SLC25A13: variants seen among roughly 807,000 people sequenced by gnomAD.
SLC25A13 encodes the protein solute carrier family 25 member 13, also known as electrogenic aspartate/glutamate antiporter SLC25A13, mitochondrial.
SLC25A13 carries 70 observed loss-of-function variants against 85.5 expected under a neutral mutation model. That is an observed-to-expected ratio of 0.82 (90% CI 0.68 to 1.00). The LOEUF (loss-of-function observed/expected upper bound fraction) is 1.00, where lower values mean the gene tolerates loss of function less well. SLC25A13 is among the 50% of genes least tolerant of loss of function. The pLI, the probability that SLC25A13 is intolerant of heterozygous loss-of-function variation, is 0.00. For synonymous variants in SLC25A13, 259 were observed against 288.7 expected, an observed-to-expected ratio of 0.90 and a Z score of 1.04; for missense variants, 765 against 819.8, an observed-to-expected ratio of 0.93 and a Z score of 0.82.
chr7:96,136,778 C>T (rs1792305256), intron 14 of SLC25A13, among the ~76,000 whole-genome samples: 1 of 152,150 alleles, frequency 6.6e-6, no homozygotes, highest in Admixed American at 6.5e-5. Context: ...GGCCGGGCAC[C>T]AGGAGCCAGC....
At chr7:96,224,170 A>G (rs909486389) in intron 4 of SLC25A13, among the ~76,000 whole-genome samples, 5 of 152,096 alleles carry the variant, frequency 3.3e-5, no homozygotes, top group Admixed American at 2.6e-4. Context: ...TTCCACTCAC[A>G]AAGTGGGGTG....
chr7:96,214,727 A>T, intron 4 of SLC25A13, among the ~76,000 whole-genome samples: 1 of 151,904 alleles, frequency 6.6e-6, no homozygotes, highest in East Asian at 2.0e-4. Context: ...CGTTGCAAAA[A>T]AATTAATTAA....
At chr7:96,122,096 T>C (rs909267978) in intron 15 of SLC25A13, 99 bp from the exon 16 acceptor site, 2 of 1,512,456 alleles carry the variant, frequency 1.3e-6, no homozygotes, top group African/African-American at 2.7e-5. Context: ...AAGTTAAAAA[T>C]CCGATTCAAT....
intron 3 of SLC25A13, among the ~76,000 whole-genome samples, chr7:96,256,503 C>A (rs764304465): frequency 6.6e-6 from 1 of 152,004 alleles, no homozygotes; most frequent in African/African-American, 2.4e-5. Flanking sequence ...GGGATCAATC[C>A]GACAAGAAGA....
chr7:96,168,129 A>AAAAAAAAAAAAAAAG (rs1562810139), intron 13 of SLC25A13, among the ~76,000 whole-genome samples: 6 of 143,652 alleles, frequency 4.2e-5, no homozygotes, highest in Non-Finnish European at 7.6e-5. Flanking sequence ...AAAAAAAAAA[A>AAAAAAAAAAAAAAAG]GCACGTGTGC....
intron 4 of SLC25A13, among the ~76,000 whole-genome samples, chr7:96,228,971 C>T (rs1157980615): frequency 6.6e-6 from 1 of 152,198 alleles, no homozygotes; most frequent in Non-Finnish European, 1.5e-5. Flanking sequence ...GGAGCTGGAG[C>T]CCGCCATGCC....
intron 6 of SLC25A13, among the ~76,000 whole-genome samples, chr7:96,191,900 A>G (rs1177504495): frequency 1.3e-5 from 2 of 152,178 alleles, no homozygotes; most frequent in East Asian, 3.9e-4. Context: ...CACAGGGGAC[A>G]AGGGAAACAG....
intron 3 of SLC25A13, among the ~76,000 whole-genome samples, chr7:96,241,870 G>A (rs1797010514): frequency 6.6e-6 from 1 of 152,170 alleles, no homozygotes; most frequent in Non-Finnish European, 1.5e-5. Context: ...ACAACCTCCA[G>A]TTCTTCTCCT....
chr7:96,261,612 C>T (rs991448271), intron 3 of SLC25A13, among the ~76,000 whole-genome samples: 18 of 152,270 alleles, frequency 1.2e-4, no homozygotes, highest in African/African-American at 4.3e-4. Flanking sequence ...ATCTCTGAAT[C>T]TCACTGTATT....
At chr7:96,304,681 G>A (rs933804415) in intron 1 of SLC25A13, among the ~76,000 whole-genome samples, 4 of 152,122 alleles carry the variant, frequency 2.6e-5, no homozygotes, top group Non-Finnish European at 5.9e-5. Flanking sequence ...CCTCTTGGGG[G>A]CCAAACTACC....
chr7:96,263,856 CTTTTTCTCAA>C (rs1797946552), intron 3 of SLC25A13, among the ~76,000 whole-genome samples: 1 of 152,094 alleles, frequency 6.6e-6, no homozygotes, highest in South Asian at 2.1e-4. Flanking sequence ...CCAAAAACTC[CTTTTTCTCAA>C]TTTCATGCAT....
chr7:96,146,800 G>A (rs1792818513), intron 13 of SLC25A13, 104 bp from the exon 14 acceptor site: 1 of 1,369,784 alleles, frequency 7.3e-7, no homozygotes, highest in Admixed American at 1.7e-5. Flanking sequence ...CTATCCTCAA[G>A]AGAATGTAGT....
At position 96,197,466 on chromosome 7, in the gene SLC25A13, A is replaced by T. The variant is rs183517802; in HGVS notation, c.469-4283T>A. 3.0e-3 allele frequency among the ~76,000 whole-genome samples: 455 copies of T among 152,266 alleles called. 3 individuals are homozygous for T. The highest frequency in any genetic ancestry group is 0.01 in the African/African-American group (430 of 41,538). The stretch of plus-strand genomic sequence containing the variant: ...ATAGCCCCAAGAGACAAAGGAGGAA[A>T]AAATTAAATCAGGAGGCCAGTGGGA... On this transcript the variant is annotated intron_variant, in intron 5 of 17. Transcript: ENST00000265631.
intron 14 of SLC25A13, among the ~76,000 whole-genome samples, chr7:96,134,460 G>A (rs899673719): frequency 1.3e-5 from 2 of 152,138 alleles, no homozygotes; most frequent in South Asian, 2.1e-4. Context: ...GGGAGAAAGA[G>A]AAGCAGATTA....
At chr7:96,220,652 T>C (rs1490122615) in intron 4 of SLC25A13, among the ~76,000 whole-genome samples, 2 of 152,184 alleles carry the variant, frequency 1.3e-5, no homozygotes, top group Non-Finnish European at 1.5e-5. Flanking sequence ...TAGTTTAAAA[T>C]AGTCAAATTT....
At chr7:96,152,249 T>C (rs1434907699) in intron 13 of SLC25A13, among the ~76,000 whole-genome samples, 3 of 152,146 alleles carry the variant, frequency 2.0e-5, no homozygotes, top group African/African-American at 7.2e-5. Context: ...TCTGTGCGAC[T>C]ATGTAGCAGC....
In SLC25A13 at chr7:96,193,038, G is replaced by A. The variant is rs1562831497; in HGVS notation, c.614C>T (p.Ala205Val). 6.2e-7 allele frequency: 1 copy of A among 1,613,924 alleles called. No homozygotes were observed. The highest frequency in any genetic ancestry group is 8.5e-7 in the Non-Finnish European group (1 of 1,179,980). ...TCATTAGGGCAAGTTACAACTTACA[G>A]CTACTAGACATTCTTCTACAAAAGG... ...LTPFVEECLV[A>V]AAGGTTSHQV... Residue 205 changes from alanine to valine, a missense_variant and splice_region_variant, in exon 6 of 18, where the codon GCT becomes GTT. By Grantham distance (64) the Ala-to-Val change is moderately conservative (BLOSUM62 0). Transcript: ENST00000265631.
intron 13 of SLC25A13, among the ~76,000 whole-genome samples, chr7:96,165,057 A>G (rs1008973964): frequency 7.9e-5 from 12 of 152,218 alleles, no homozygotes; most frequent in Admixed American, 3.3e-4. Flanking sequence ...TTTAACCAAT[A>G]TTTACAAAGA....
chr7:96,155,792 C>CT (rs1341437232), intron 13 of SLC25A13, among the ~76,000 whole-genome samples: 4 of 152,212 alleles, frequency 2.6e-5, no homozygotes, highest in Non-Finnish European at 5.9e-5. Flanking sequence ...AGGCACTGTG[C>CT]TAAACTCTTC....
Sources: allele counts gnomAD v4.1 joint callset (sites outside exome capture counted in the v4.1 genomes callset), GRCh38; gene constraint gnomAD v4.1.1; transcripts MANE v1.5; gene names NCBI Gene and HGNC (gene_info 2026-07-23, HGNC 2026-07-21).